DOCK3: variants seen among roughly 807,000 people sequenced by gnomAD.
The protein encoded by DOCK3 is dedicator of cytokinesis protein 3.
Under a neutral mutation model 265.6 loss-of-function variants are expected in DOCK3, and 60 were observed. The ratio of observed to expected loss-of-function variants is 0.23; its 90% CI spans 0.18 to 0.28. DOCK3 has a LOEUF of 0.28. Among genes scored for constraint, DOCK3 ranks in the 10% least tolerant of loss-of-function variants. The pLI is 1.00. For missense variants in DOCK3, 1,981 were observed against 2,594.3 expected (o/e 0.76, Z 5.14); for synonymous variants, 881 against 938.0 (o/e 0.94, Z 1.11).
intron 1 of DOCK3, among the ~76,000 whole-genome samples, chr3:50,718,413 A>C (rs1359394864): frequency 6.6e-6 from 1 of 152,146 alleles, no homozygotes; most frequent in Non-Finnish European, 1.5e-5. Flanking sequence ...GTGTCTTTAA[A>C]ATGTTTCTCT....
At chr3:51,005,043 CATTTT>C (rs1225371929) in intron 5 of DOCK3, among the ~76,000 whole-genome samples, 1 of 151,568 alleles carries the variant, frequency 6.6e-6, no homozygotes, top group East Asian at 1.9e-4. Flanking sequence ...AAACATTCTT[CATTTT>C]AAGAGAAAAT....
At chr3:51,243,075 T>C (rs1055776730) in intron 21 of DOCK3, among the ~76,000 whole-genome samples, 1 of 151,994 alleles carries the variant, frequency 6.6e-6, no homozygotes, top group African/African-American at 2.4e-5. Flanking sequence ...AACCAAGGGG[T>C]GCTCAGGATA....
chr3:51,324,475 T>A (rs1018340167), intron 32 of DOCK3, among the ~76,000 whole-genome samples: 9 of 150,356 alleles, frequency 6.0e-5, no homozygotes, highest in Non-Finnish European at 7.5e-5. Flanking sequence ...AGAATGAATA[T>A]CATGGCCATA....
chr3:50,868,900 TG>T (rs1339996489), intron 3 of DOCK3, among the ~76,000 whole-genome samples: 2 of 136,142 alleles, frequency 1.5e-5, no homozygotes, highest in Admixed American at 8.0e-5. Flanking sequence ...TTGGATAATC[TG>T]TTTTTTTTTT....
chr3:50,682,974 C>G (rs377711614), intron 1 of DOCK3, among the ~76,000 whole-genome samples: 1 of 152,190 alleles, frequency 6.6e-6, no homozygotes, highest in Non-Finnish European at 1.5e-5. Flanking sequence ...CGTGAGCCAC[C>G]GCGCCTGGTC....
intron 31 of DOCK3, 98 bp from the exon 32 acceptor site, chr3:51,314,882 C>T: frequency 7.4e-7 from 1 of 1,348,854 alleles, no homozygotes; most frequent in Non-Finnish European, 9.7e-7. Flanking sequence ...CTCTCAGAAG[C>T]TTCCAGTATG....
intron 40 of DOCK3, among the ~76,000 whole-genome samples, chr3:51,352,419 T>TTAG (rs1482913077): frequency 6.6e-6 from 1 of 152,190 alleles, no homozygotes; most frequent in East Asian, 1.9e-4. Flanking sequence ...ACAGGACACA[T>TTAG]TAGTGTCTCA....
At chr3:50,809,679 G>C (rs968621589) in intron 2 of DOCK3, among the ~76,000 whole-genome samples, 2 of 152,104 alleles carry the variant, frequency 1.3e-5, no homozygotes, top group Non-Finnish European at 2.9e-5. Context: ...GCAAATATGT[G>C]GTATATTCAT....
At chr3:50,902,878 G>A (rs1196189386) in intron 4 of DOCK3, among the ~76,000 whole-genome samples, 1 of 152,104 alleles carries the variant, frequency 6.6e-6, no homozygotes, top group Non-Finnish European at 1.5e-5. Context: ...TCCCTGAAGA[G>A]GTCCTACACC....
At chr3:50,930,345 C>T (rs548935372) in intron 4 of DOCK3, among the ~76,000 whole-genome samples, 12 of 152,208 alleles carry the variant, frequency 7.9e-5, no homozygotes, top group South Asian at 2.1e-4. Context: ...GGTCCAGATC[C>T]ACAGCCCCCG....
chr3:51,026,307 C>T (rs1202584230), intron 5 of DOCK3, among the ~76,000 whole-genome samples: 1 of 152,004 alleles, frequency 6.6e-6, no homozygotes, highest in East Asian at 1.9e-4. Context: ...GTTTACCATC[C>T]TTGCATCTCA....
intron 12 of DOCK3, among the ~76,000 whole-genome samples, chr3:51,167,340 T>G (rs1394359637): frequency 1.3e-5 from 2 of 152,198 alleles, no homozygotes; most frequent in African/African-American, 4.8e-5. Flanking sequence ...TTATTTTGAT[T>G]ACTGTAACTT....
chr3:51,364,451 T>G (rs1184643180), intron 49 of DOCK3, among the ~76,000 whole-genome samples: 3 of 152,254 alleles, frequency 2.0e-5, no homozygotes, highest in African/African-American at 7.2e-5. Flanking sequence ...CTTTTCACTC[T>G]CATGGTAGTT....
At chr3:51,259,716 C>G (rs2079752903) in intron 22 of DOCK3, among the ~76,000 whole-genome samples, 1 of 152,124 alleles carries the variant, frequency 6.6e-6, no homozygotes, top group Admixed American at 6.5e-5. Flanking sequence ...TAGGAGACTC[C>G]TAAGTCTGAG....
At chr3:50,823,420 C>T (rs994954607) in intron 2 of DOCK3, among the ~76,000 whole-genome samples, 20 of 152,258 alleles carry the variant, frequency 1.3e-4, no homozygotes, top group African/African-American at 4.6e-4. Context: ...CATCTTGCAC[C>T]GCCCTTAATC....
intron 9 of DOCK3, among the ~76,000 whole-genome samples, chr3:51,112,929 A>C (rs1203866620): frequency 1.3e-5 from 2 of 152,200 alleles, no homozygotes; most frequent in Admixed American, 6.5e-5. Context: ...CTACATCTAA[A>C]AGGTATTAAG....
chr3:51,308,879 C>T (rs1374695102), intron 27 of DOCK3, among the ~76,000 whole-genome samples: 14 of 138,046 alleles, frequency 1.0e-4, no homozygotes, highest in African/African-American at 1.5e-4. Flanking sequence ...GGGCGGCTGC[C>T]GGGCGGAGGG....
At chr3:51,344,580 A>G (rs2085442299) in intron 38 of DOCK3, among the ~76,000 whole-genome samples, 1 of 152,242 alleles carries the variant, frequency 6.6e-6, no homozygotes, top group Non-Finnish European at 1.5e-5. Context: ...AGATTGCACC[A>G]CTGGACTCCA....
chr3:51,377,470 C>G (rs1038881564), intron 51 of DOCK3, among the ~76,000 whole-genome samples: 6 of 152,172 alleles, frequency 3.9e-5, no homozygotes, highest in African/African-American at 1.2e-4. Context: ...ACTCCCAGAT[C>G]AGGTGAGCCT....
Sources: allele counts gnomAD v4.1 joint callset (sites outside exome capture counted in the v4.1 genomes callset), GRCh38; gene constraint gnomAD v4.1.1; transcripts MANE v1.5; gene names NCBI Gene and HGNC (gene_info 2026-07-23, HGNC 2026-07-21).